CDK14: variants seen among roughly 807,000 people sequenced by gnomAD.
CDK14 encodes the protein cyclin dependent kinase 14, also known as cyclin-dependent kinase 14.
Under a neutral mutation model 60.7 loss-of-function variants are expected in CDK14, and 34 were observed. The ratio of observed to expected loss-of-function variants is 0.56; its 90% CI spans 0.43 to 0.75. The LOEUF (loss-of-function observed/expected upper bound fraction) is 0.75. CDK14 is among the 30% of genes least tolerant of loss of function. CDK14 has a pLI of 0.00. For missense variants in CDK14, 482 were observed against 564.1 expected (o/e 0.85, Z 1.47); for synonymous variants, 197 against 203.7 (o/e 0.97, Z 0.28).
intron 9 of CDK14, among the ~76,000 whole-genome samples, chr7:90,963,187 G>A (rs1406308978): frequency 1.3e-5 from 2 of 151,404 alleles, no homozygotes; most frequent in Non-Finnish European, 2.9e-5. Flanking sequence ...CACTTTGGGG[G>A]CCAAGGTGGG....
At chr7:90,623,601 G>A (rs537413874) in intron 2 of CDK14, among the ~76,000 whole-genome samples, 1 of 152,222 alleles carries the variant, frequency 6.6e-6, no homozygotes, top group East Asian at 1.9e-4. Flanking sequence ...GAATATGTAA[G>A]TATTGTGAAT....
At position 90,906,250 on chromosome 7, in the gene CDK14, A is replaced by G. The variant is rs543014629; in HGVS notation, c.702+6897A>G. ...AATTGTTTTTAAAGTTGATCTTCAC[A>G]TCATCTTAGATTGTTGGGAAAATAT... On this transcript the variant is annotated intron_variant, in intron 7 of 14. Coordinates refer to ENST00000380050, the MANE Select transcript of CDK14 (RefSeq NM_001287135.2). Among the ~76,000 whole-genome samples, 6 of 152,290 alleles carry G rather than the reference A, an allele frequency of 3.9e-5. No homozygotes were observed. The East Asian group carries it at 1.2e-3, about 29-fold the overall frequency.
At chr7:90,750,289 A>G (rs1330055143) in intron 4 of CDK14, among the ~76,000 whole-genome samples, 1 of 152,210 alleles carries the variant, frequency 6.6e-6, no homozygotes, top group Non-Finnish European at 1.5e-5. Context: ...TCCAGATGAG[A>G]AGGAACCAGC....
chr7:90,726,440 A>C, intron 2 of CDK14, 127 bp from the exon 3 acceptor site: 1 of 1,250,466 alleles, frequency 8.0e-7, no homozygotes, highest in Non-Finnish European at 1.1e-6. Context: ...TGCAGCTTTT[A>C]GAATGTGGGC....
At chr7:90,662,191 G>T (rs2106133) in intron 2 of CDK14, among the ~76,000 whole-genome samples, 1 of 151,942 alleles carries the variant, frequency 6.6e-6, no homozygotes, top group Non-Finnish European at 1.5e-5. Context: ...TAAACCACAG[G>T]CATTTAGAAC....
At chr7:90,717,485 C>T (rs1194280068) in intron 2 of CDK14, among the ~76,000 whole-genome samples, 13 of 152,066 alleles carry the variant, frequency 8.5e-5, no homozygotes, top group Admixed American at 8.5e-4. Flanking sequence ...ATGTGGTGTC[C>T]TCAAGAGTCC....
intron 10 of CDK14, among the ~76,000 whole-genome samples, chr7:91,008,041 T>G (rs1796027961): frequency 6.7e-6 from 1 of 148,576 alleles, no homozygotes; most frequent in Non-Finnish European, 1.5e-5. Flanking sequence ...CTTTAGATAT[T>G]CCAGTATTGG....
Position 91,091,357 on chromosome 7 carries a change from TATATATAC to T in CDK14, c.1154+11893_1154+11900del, listed in dbSNP as rs1246536754. 6.9e-5 allele frequency among the ~76,000 whole-genome samples: 10 copies of T among 144,980 alleles called. No homozygotes were observed. In the East Asian group the frequency reaches 7.9e-4, roughly 11 times the overall value. On this transcript the variant is annotated intron_variant, in intron 12 of 14. Transcript: ENST00000380050. ...TGTATACATATATGTGTATATAAAT[TATATATAC>T]ATATATACATATATAATTTATATAC...
intron 10 of CDK14, among the ~76,000 whole-genome samples, chr7:91,016,131 C>T (rs1002997244): frequency 6.6e-6 from 1 of 152,106 alleles, no homozygotes; most frequent in African/African-American, 2.4e-5. Context: ...TAGAGCTGCC[C>T]ACAAGAAAAG....
intron 4 of CDK14, among the ~76,000 whole-genome samples, chr7:90,789,324 G>A (rs1156493885): frequency 6.6e-6 from 1 of 152,026 alleles, no homozygotes; most frequent in Non-Finnish European, 1.5e-5. Flanking sequence ...ACTCTGTATT[G>A]TATACCACTA....
chr7:90,815,267 T>C (rs1397147127), intron 5 of CDK14, among the ~76,000 whole-genome samples: 1 of 152,184 alleles, frequency 6.6e-6, no homozygotes, highest in Non-Finnish European at 1.5e-5. Flanking sequence ...TGTGTTTCAA[T>C]ATAATTTAAG....
intron 14 of CDK14, among the ~76,000 whole-genome samples, chr7:91,175,431 A>C (rs1279860082): frequency 6.6e-6 from 1 of 152,030 alleles, no homozygotes; most frequent in East Asian, 1.9e-4. Context: ...TAACATCATC[A>C]TGACAGGATC....
intron 6 of CDK14, among the ~76,000 whole-genome samples, chr7:90,870,067 A>G (rs1410983974): frequency 6.6e-6 from 1 of 152,186 alleles, no homozygotes; most frequent in African/African-American, 2.4e-5. Context: ...TGGCTATTCT[A>G]ATGGCAGGTG....
At chr7:91,016,619 G>A (rs1447930943) in intron 10 of CDK14, among the ~76,000 whole-genome samples, 1 of 152,188 alleles carries the variant, frequency 6.6e-6, no homozygotes, top group African/African-American at 2.4e-5. Flanking sequence ...GAGCTTTGCA[G>A]TTCAGGTCTT....
At chr7:90,952,123 G>A (rs1470135680) in intron 8 of CDK14, among the ~76,000 whole-genome samples, 1 of 152,116 alleles carries the variant, frequency 6.6e-6, no homozygotes, top group Non-Finnish European at 1.5e-5. Context: ...GAAATAAAGG[G>A]AGAAAATGTA....
chr7:90,675,661 G>A (rs1801184101), intron 2 of CDK14, among the ~76,000 whole-genome samples: 1 of 152,034 alleles, frequency 6.6e-6, no homozygotes, highest in African/African-American at 2.4e-5. Flanking sequence ...TCTCTTTTCT[G>A]TATATATGCA....
intron 6 of CDK14, among the ~76,000 whole-genome samples, chr7:90,897,565 T>C (rs1792377541): frequency 6.6e-6 from 1 of 152,118 alleles, no homozygotes; most frequent in African/African-American, 2.4e-5. Flanking sequence ...GTACTTATCA[T>C]ATACTGGCTT....
At chr7:90,824,357 G>T (rs538517724) in intron 5 of CDK14, among the ~76,000 whole-genome samples, 16 of 152,190 alleles carry the variant, frequency 1.1e-4, no homozygotes, top group Non-Finnish European at 2.4e-4. Flanking sequence ...AATGGGGCAG[G>T]TGTCTGTGTC....
At chr7:90,767,832 G>T (rs151231111) in intron 4 of CDK14, among the ~76,000 whole-genome samples, 1 of 152,162 alleles carries the variant, frequency 6.6e-6, no homozygotes, top group Non-Finnish European at 1.5e-5. Flanking sequence ...GAGCCCTCTT[G>T]AGCCTCCACC....
Sources: allele counts gnomAD v4.1 joint callset (sites outside exome capture counted in the v4.1 genomes callset), GRCh38; gene constraint gnomAD v4.1.1; transcripts MANE v1.5; gene names NCBI Gene and HGNC (gene_info 2026-07-23, HGNC 2026-07-21).